Variants in RNF168 observed in about 807,000 individuals in gnomAD.
The protein encoded by RNF168 is ring finger protein 168.
Under a neutral mutation model 34.9 loss-of-function variants are expected in RNF168, and 34 were observed. The observed-to-expected ratio is 0.97, with a 90% CI of 0.74 to 1.30. RNF168 has a LOEUF of 1.30. Among genes scored for constraint, RNF168 ranks in the 50% most tolerant of loss-of-function variants. The pLI is 0.00. For missense variants in RNF168, 725 were observed against 682.5 expected, an observed-to-expected ratio of 1.06 and a Z score of -0.69; for synonymous variants, 264 against 254.7, an observed-to-expected ratio of 1.04 and a Z score of -0.35.
chr3:196,475,927 T>C (rs1732138851), intron 4 of RNF168, among the ~76,000 whole-genome samples: 1 of 151,294 alleles, frequency 6.6e-6, no homozygotes. Context: ...TGGCGCGATC[T>C]CAGCTCACTG....
intron 1 of RNF168, among the ~76,000 whole-genome samples, chr3:196,494,245 A>G (rs759796684): frequency 2.0e-5 from 3 of 152,180 alleles, no homozygotes; most frequent in Admixed American, 6.5e-5. Context: ...CATCTGTTGG[A>G]AACAACTCTC....
chr3:196,472,215 A>C lies in RNF168; in HGVS notation c.1320T>G (p.His440Gln), dbSNP rs756809152. Reference sequence around the variant, plus strand: ...ATAACCTGTCCTGTTCTTCTTGTTTATGTCTCTCAAACAGTAGATGCTCCA... The same window carrying C: ...ATAACCTGTCCTGTTCTTCTTGTTTCTGTCTCTCAAACAGTAGATGCTCCA... ...IDLEHLLFER[H>Q]KQEEQDRLLA... The change falls in exon 6 of 6, where the codon CAT (histidine) becomes CAG (glutamine). Residue 440 changes from histidine (H) to glutamine (Q), a missense_variant. Physicochemically the swap from His to Gln is conservative, Grantham distance 24. Coordinates refer to ENST00000318037, the MANE Select transcript of RNF168 (RefSeq NM_152617.4). The C allele has an allele frequency of 3.1e-6, 5 of 1,613,962 alleles. No individual in the cohort carries two copies. Among genetic ancestry groups the C allele is most frequent in the Non-Finnish European group, 4.2e-6 (5 of 1,179,896 alleles).
At chr3:196,498,479 G>A (rs564111241) in intron 1 of RNF168, among the ~76,000 whole-genome samples, 5 of 152,074 alleles carry the variant, frequency 3.3e-5, no homozygotes, top group Non-Finnish European at 5.9e-5. Context: ...TCTACGTTGC[G>A]TAATTCCAGC....
Position 196,484,024 on chromosome 3 carries a change from C to G in RNF168, c.559-133G>C, listed in dbSNP as rs1274775531. The stretch of plus-strand genomic sequence containing the variant: ...AGTTATATTTAAATTCTGTACATCT[C>G]TTGAAGAATATTGACCATGCAAAAA... On this transcript the variant is annotated intron_variant, in intron 3 of 5. Coordinates refer to ENST00000318037, the MANE Select transcript of RNF168 (RefSeq NM_152617.4). 7.2e-6 allele frequency: 5 copies of G among 698,738 alleles called. No individual in the cohort carries two copies. The East Asian group carries it at 1.1e-4, about 15-fold the overall frequency. The allele number at this position is 698,738 out of a possible 1,614,324, so 43.3% of individuals were successfully genotyped here. A position where few individuals can be genotyped will look rare whatever the true frequency, so the allele number is the denominator to read the frequency against.
intron 4 of RNF168, among the ~76,000 whole-genome samples, chr3:196,478,121 C>A (rs537700684): frequency 2.6e-5 from 4 of 152,270 alleles, no homozygotes; most frequent in African/African-American, 7.2e-5. Context: ...TCAACCCTTT[C>A]CCTTCCCATG....
rs767097242 is a variant in RNF168 at position 196,472,577 on chromosome 3, T to G, written c.958A>C (p.Asn320His). The G allele has an allele frequency of 1.9e-6, 3 of 1,614,132 alleles. No individual in the cohort carries two copies. The African/African-American group carries it at 4.0e-5, about 22-fold the overall frequency. The stretch of plus-strand genomic sequence containing the variant: ...AAGACACATAACTCTTTCCCATGAT[T>G]GCTTGGTCTTGTTTTGACGTTTCCT... ...HEGNVKTRPS[N>H]HGKELCVLSH... is the part of the protein sequence containing the mutation. Residue 320 changes from asparagine (N) to histidine (H), a missense_variant, in exon 6 of 6, where the codon AAT becomes CAT. Asn to His is a moderately conservative substitution (Grantham distance 68). Transcript: ENST00000318037.
At chr3:196,472,880 T>G in intron 5 of RNF168, 108 bp from the exon 6 acceptor site, 3 of 682,368 alleles carry the variant, frequency 4.4e-6, no homozygotes, top group Non-Finnish European at 7.9e-6. Flanking sequence ...TACATTATTA[T>G]TACTAATAAG....
At position 196,472,502 on chromosome 3, in the gene RNF168, C is replaced by G. The variant is rs759121720; in HGVS notation, c.1033G>C (p.Val345Leu). 4 of 1,614,250 alleles carry G rather than the reference C, an allele frequency of 2.5e-6. No individual in the cohort carries two copies. In the South Asian group the frequency reaches 3.3e-5, roughly 13 times the overall value. ...TRVPYSKETA[V>L]MPCGRTESGC... ...CTTTCTGTTCTGCCACAAGGCATAA[C>G]TGCAGTTTCTTTCGAGTAGGGAACT... is the stretch of plus-strand genomic sequence containing the variant. Residue 345 changes from valine (V) to leucine (L), a missense_variant, in exon 6 of 6, where the codon GTT becomes CTT. Physicochemically the swap from Val to Leu is conservative, Grantham distance 32. Transcript: ENST00000318037.
At chr3:196,487,292 G>T in intron 3 of RNF168, 107 bp downstream of exon 3, 1 of 981,222 alleles carries the variant, frequency 1.0e-6, no homozygotes, top group Non-Finnish European at 1.6e-6. Context: ...AATATTTGTG[G>T]GATGCAGAAC....
At chr3:196,483,730 G>A (rs2108648635) in intron 4 of RNF168, 40 bp downstream of exon 4, 2 of 1,562,360 alleles carry the variant, frequency 1.3e-6, no homozygotes, top group Non-Finnish European at 1.8e-6. Context: ...CTGGCATACA[G>A]TAGGAGGTCA....
At position 196,469,292 on chromosome 3, in the gene RNF168, G is replaced by C. The variant is rs1731944987; in HGVS notation, c.*2527C>G. The stretch of plus-strand genomic sequence containing the variant: ...TTTTTACTTAACGACCCATGTGATA[G>C]TATAGTTGCAAGCTATACTTCATTT... On this transcript the variant is annotated 3_prime_UTR_variant, in exon 6 of 6. Coordinates refer to ENST00000318037, the MANE Select transcript of RNF168 (RefSeq NM_152617.4). The C allele has an allele frequency of 6.6e-6, 1 of 152,196 alleles. No homozygotes were observed. The highest frequency in any genetic ancestry group is 2.1e-4 in the South Asian group (1 of 4,836). 9.4% of individuals were successfully genotyped at this position (152,196 alleles called of 1,614,324 possible). A position where few individuals can be genotyped will look rare whatever the true frequency, so the allele number is the denominator to read the frequency against.
chr3:196,502,339 C>A (rs2074040408), intron 1 of RNF168, among the ~76,000 whole-genome samples: 1 of 152,164 alleles, frequency 6.6e-6, no homozygotes, highest in Non-Finnish European at 1.5e-5. Context: ...GTAATCCCAG[C>A]ATTTTGGCAG....
At chr3:196,475,426 C>T (rs1732121242) in intron 4 of RNF168, 114 bp from the exon 5 acceptor site, 1 of 712,302 alleles carries the variant, frequency 1.4e-6, no homozygotes, top group African/African-American at 1.7e-5. Context: ...GCTGTTTTAT[C>T]AGAGTGTATC....
chr3:196,474,541 G>A (rs1174508001), intron 5 of RNF168, among the ~76,000 whole-genome samples: 2 of 150,388 alleles, frequency 1.3e-5, no homozygotes, highest in East Asian at 1.9e-4. Flanking sequence ...TCTACCTCCC[G>A]GGTTCAAGCA....
intron 3 of RNF168, among the ~76,000 whole-genome samples, chr3:196,484,513 A>C (rs1424505409): frequency 2.3e-4 from 22 of 95,374 alleles, no homozygotes; most frequent in African/African-American, 3.8e-4. Flanking sequence ...ACAGGGTCTC[A>C]CTCTGTCGCC....
intron 1 of RNF168, among the ~76,000 whole-genome samples, chr3:196,496,166 T>C (rs762433383): frequency 1.2e-4 from 19 of 152,306 alleles, no homozygotes; most frequent in South Asian, 4.1e-4. Flanking sequence ...TAATTAGGGA[T>C]AAATATTAGT....
chr3:196,498,685 C>T (rs1019415369), intron 1 of RNF168, among the ~76,000 whole-genome samples: 3 of 152,060 alleles, frequency 2.0e-5, no homozygotes, highest in African/African-American at 4.8e-5. Flanking sequence ...ACTTAAAAAA[C>T]GAATATCTAC....
In RNF168 at chr3:196,472,125, G is replaced by T. The variant is rs920360260; in HGVS notation, c.1410C>A (p.Ser470=). 6 of 1,613,922 alleles carry T rather than the reference G, an allele frequency of 3.7e-6. No homozygotes were observed. Among genetic ancestry groups the T allele is most frequent in the Non-Finnish European group, 5.1e-6 (6 of 1,180,002 alleles). Residue 470 remains serine (S), a synonymous_variant, in exon 6 of 6, where the codon TCC becomes TCA. Transcript: ENST00000318037. ...EQMVPNRQKG[S]PDEYHLRATS... is the part of the protein sequence containing the mutation. ...TAGCGCGTAAGTGATACTCATCTGG[G>T]GATCCTTTTTGCCGGTTTGGCACCA...
chr3:196,478,114 A>G (rs1017252528), intron 4 of RNF168, among the ~76,000 whole-genome samples: 2 of 151,482 alleles, frequency 1.3e-5, no homozygotes, highest in African/African-American at 4.9e-5. Context: ...TATGTCATCA[A>G]CCCTTTCCCT....
Sources: allele counts gnomAD v4.1 joint callset (sites outside exome capture counted in the v4.1 genomes callset), GRCh38; gene constraint gnomAD v4.1.1; transcripts MANE v1.5; gene names NCBI Gene and HGNC (gene_info 2026-07-23, HGNC 2026-07-21).